Variants in TRPC4 observed in about 807,000 individuals in gnomAD.
TRPC4 encodes the protein short transient receptor potential channel 4.
TRPC4 carries 49 observed loss-of-function variants against 99.4 expected under a neutral mutation model. That is an observed-to-expected ratio of 0.49 (90% CI 0.39 to 0.63). The LOEUF (loss-of-function observed/expected upper bound fraction) is 0.63. Ranked by LOEUF, TRPC4 falls within the 20% of genes least tolerant of loss-of-function variation. The pLI, the probability that TRPC4 is intolerant of heterozygous loss-of-function variation, is 0.00. For synonymous variants in TRPC4, 454 were observed against 425.9 expected, an observed-to-expected ratio of 1.07 and a Z score of -0.81; for missense variants, 898 against 1,152.9, an observed-to-expected ratio of 0.78 and a Z score of 3.20.
Position 37,745,929 on chromosome 13 carries a change from A to G in TRPC4, c.897+8T>C. The G allele has an allele frequency of 6.2e-7, 1 of 1,605,476 alleles. No homozygotes were observed. The highest frequency in any genetic ancestry group is 8.5e-7 in the Non-Finnish European group (1 of 1,174,654). On this transcript the variant is annotated splice_region_variant and intron_variant, in intron 3 of 10. Coordinates refer to ENST00000379705, the MANE Select transcript of TRPC4 (RefSeq NM_016179.4). The stretch of plus-strand genomic sequence containing the variant: ...GCATTTTGATGGATCAAGTCTGGCA[A>G]CACTCACCTCTTTTTGACGGTACTT...
chr13:37,640,637 T>C (rs531114555), intron 8 of TRPC4, among the ~76,000 whole-genome samples: 34 of 152,270 alleles, frequency 2.2e-4, no homozygotes, highest in African/African-American at 7.5e-4. Flanking sequence ...CTTGAAAAAG[T>C]ATGGCATGGG....
chr13:37,735,700 G>T (rs1471892665), intron 3 of TRPC4, among the ~76,000 whole-genome samples: 1 of 152,130 alleles, frequency 6.6e-6, no homozygotes, highest in Admixed American at 6.6e-5. Flanking sequence ...GTTTATCAAA[G>T]ATATTATCAT....
chr13:37,712,613 C>A (rs922963779), intron 3 of TRPC4, among the ~76,000 whole-genome samples: 1 of 152,046 alleles, frequency 6.6e-6, no homozygotes, highest in Admixed American at 6.6e-5. Flanking sequence ...ATTACTTTGC[C>A]CCTTGCTAAT....
At chr13:37,850,474 T>A (rs894370292) in intron 1 of TRPC4, among the ~76,000 whole-genome samples, 1 of 152,220 alleles carries the variant, frequency 6.6e-6, no homozygotes, top group Non-Finnish European at 1.5e-5. Flanking sequence ...ATAATATTAC[T>A]TCTGTGACAA....
intron 3 of TRPC4, among the ~76,000 whole-genome samples, chr13:37,720,433 C>T (rs547963454): frequency 2.1e-4 from 32 of 152,038 alleles, no homozygotes; most frequent in African/African-American, 7.0e-4. Flanking sequence ...CATGAGAAAC[C>T]GAGCAATGAG....
rs1960042178 is a variant in TRPC4, at chr13:37,869,731, G to A, written c.-164C>T. The A allele has an allele frequency of 6.6e-6, 1 of 152,144 alleles. No homozygotes were observed. Among genetic ancestry groups the A allele is most frequent in the Non-Finnish European group, 1.5e-5 (1 of 68,066 alleles). The allele number at this position is 152,144 out of a possible 1,614,324, so 9.4% of individuals were successfully genotyped here. ...CTGCTGAGTTTTGGAGCATTCCAAG[G>A]AAAACGATCGAAGCTGGAGCCCACG... On this transcript the variant is annotated 5_prime_UTR_variant, in exon 1 of 11. Coordinates refer to ENST00000379705, the MANE Select transcript of TRPC4 (RefSeq NM_016179.4).
At chr13:37,862,217 A>G (rs1389791942) in intron 1 of TRPC4, among the ~76,000 whole-genome samples, 1 of 151,416 alleles carries the variant, frequency 6.6e-6, no homozygotes, top group Non-Finnish European at 1.5e-5. Context: ...CCAGGTCATT[A>G]TATCCCTAAC....
chr13:37,837,520 G>A (rs1958599222), intron 1 of TRPC4, among the ~76,000 whole-genome samples: 1 of 152,232 alleles, frequency 6.6e-6, no homozygotes, highest in African/African-American at 2.4e-5. Flanking sequence ...AGATTTGACT[G>A]CTCCACTGGA....
intron 3 of TRPC4, among the ~76,000 whole-genome samples, chr13:37,702,450 T>C (rs1251581563): frequency 6.6e-6 from 1 of 152,190 alleles, no homozygotes; most frequent in Non-Finnish European, 1.5e-5. Flanking sequence ...TCCAAATATA[T>C]TTCAAGATCA....
intron 1 of TRPC4, among the ~76,000 whole-genome samples, chr13:37,831,058 C>CT (rs1958408276): frequency 1.3e-5 from 2 of 151,750 alleles, no homozygotes; most frequent in South Asian, 4.1e-4. Context: ...TGCCTTGTCT[C>CT]TTCGCTCTGT....
intron 8 of TRPC4, among the ~76,000 whole-genome samples, chr13:37,644,175 G>A (rs1593419836): frequency 2.6e-5 from 4 of 152,186 alleles, no homozygotes; most frequent in East Asian, 3.9e-4. Flanking sequence ...ACTACCATCA[G>A]TTATATTTAG....
At chr13:37,651,534 T>C in intron 7 of TRPC4, 75 bp from the exon 8 acceptor site, 1 of 1,350,528 alleles carries the variant, frequency 7.4e-7, no homozygotes, top group Non-Finnish European at 1.0e-6. Context: ...AGAGATCCTG[T>C]AACCTGACTT....
chr13:37,732,326 G>A (rs890415962), intron 3 of TRPC4, among the ~76,000 whole-genome samples: 1 of 152,068 alleles, frequency 6.6e-6, no homozygotes, highest in African/African-American at 2.4e-5. Context: ...CTAGTCAGAG[G>A]TAATTGTTTT....
chr13:37,745,283 G>T (rs895573398), intron 3 of TRPC4, among the ~76,000 whole-genome samples: 1 of 151,376 alleles, frequency 6.6e-6, no homozygotes, highest in Non-Finnish European at 1.5e-5. Context: ...TGCAGCAGTT[G>T]GCCCTACGGG....
At chr13:37,707,767 T>C (rs934179764) in intron 3 of TRPC4, among the ~76,000 whole-genome samples, 1 of 152,142 alleles carries the variant, frequency 6.6e-6, no homozygotes, top group Non-Finnish European at 1.5e-5. Context: ...ACCAAGACTA[T>C]GCTTCTAGAA....
At chr13:37,661,529 G>T (rs932126755) in intron 6 of TRPC4, among the ~76,000 whole-genome samples, 5 of 152,234 alleles carry the variant, frequency 3.3e-5, no homozygotes, top group Non-Finnish European at 7.3e-5. Flanking sequence ...GGAAGGCAAA[G>T]GAGGAAGTCA....
chr13:37,853,610 G>C (rs1317135447), intron 1 of TRPC4, among the ~76,000 whole-genome samples: 1 of 152,148 alleles, frequency 6.6e-6, no homozygotes, highest in African/African-American at 2.4e-5. Context: ...TGGAGAAACA[G>C]AGACATGTGA....
intron 2 of TRPC4, among the ~76,000 whole-genome samples, chr13:37,759,704 A>T (rs954395886): frequency 9.2e-5 from 14 of 151,946 alleles, no homozygotes; most frequent in Non-Finnish European, 1.5e-5. Flanking sequence ...CATATGGTCA[A>T]GTTTGAAAAG....
Position 37,750,724 on chromosome 13 carries a change from G to A in TRPC4, c.379-4269C>T, listed in dbSNP as rs371668536. Reference sequence around the variant, plus strand: ...GCAGGTTTGTTACATAGGTATACACGTGCCATGGTGGTTTGCTGCACCCAT... The same window carrying A: ...GCAGGTTTGTTACATAGGTATACACATGCCATGGTGGTTTGCTGCACCCAT... On this transcript the variant is annotated intron_variant, in intron 2 of 10. Transcript: ENST00000379705. Among the ~76,000 whole-genome samples, 17 of 152,042 alleles carry A rather than the reference G, an allele frequency of 1.1e-4. 1 individual carries two copies. Among genetic ancestry groups the A allele is most frequent in the East Asian group, 7.8e-4 (4 of 5,136 alleles).
Sources: gnomAD v4.1 joint callset for allele counts (sites outside exome capture counted in the v4.1 genomes callset) on GRCh38, gnomAD v4.1.1 for gene constraint, MANE v1.5 for transcripts, NCBI Gene and HGNC (gene_info 2026-07-23, HGNC 2026-07-21) for gene names.